NEGR1: variants seen among roughly 807,000 people sequenced by gnomAD.
NEGR1 encodes neuronal growth regulator 1.
In NEGR1, 10 loss-of-function variants were observed where a neutral mutation model predicts 40.9. The observed-to-expected ratio is 0.24, with a 90% CI of 0.15 to 0.42. The LOEUF (loss-of-function observed/expected upper bound fraction) is 0.42. Among genes scored for constraint, NEGR1 ranks in the 10% least tolerant of loss-of-function variants. NEGR1 has a pLI of 1.00. For synonymous variants in NEGR1, 185 were observed against 166.8 expected, an observed-to-expected ratio of 1.11 and a Z score of -0.84; for missense variants, 352 against 438.9, an observed-to-expected ratio of 0.80 and a Z score of 1.77.
At chr1:71,578,602 C>T (rs974329758) in intron 6 of NEGR1, among the ~76,000 whole-genome samples, 10 of 152,064 alleles carry the variant, frequency 6.6e-5, no homozygotes, top group African/African-American at 2.4e-5. Context: ...TATTACTTTA[C>T]TCAGAGATGA....
intron 4 of NEGR1, among the ~76,000 whole-genome samples, chr1:71,631,152 T>C (rs1292486194): frequency 1.3e-5 from 2 of 151,900 alleles, no homozygotes; most frequent in African/African-American, 4.8e-5. Flanking sequence ...TGTCCACTGT[T>C]TTGCTTTTTG....
intron 4 of NEGR1, among the ~76,000 whole-genome samples, chr1:71,614,036 G>A (rs1650360513): frequency 6.6e-6 from 1 of 151,848 alleles, no homozygotes; most frequent in Non-Finnish European, 1.5e-5. Context: ...TTTCTGTTAA[G>A]GGAAATACTT....
chr1:72,016,290 C>A (rs1338410830), intron 1 of NEGR1, among the ~76,000 whole-genome samples: 2 of 152,076 alleles, frequency 1.3e-5, no homozygotes, highest in Non-Finnish European at 2.9e-5. Context: ...CTAATGTAAT[C>A]ATTAAAAAAG....
chr1:72,232,735 G>A (rs1654411941), intron 1 of NEGR1, among the ~76,000 whole-genome samples: 1 of 151,994 alleles, frequency 6.6e-6, no homozygotes, highest in African/African-American at 2.4e-5. Context: ...TTGGGCAGAG[G>A]ATAATTATAG....
At chr1:71,447,988 T>C (rs1395554160) in intron 6 of NEGR1, among the ~76,000 whole-genome samples, 1 of 152,170 alleles carries the variant, frequency 6.6e-6, no homozygotes, top group Admixed American at 6.5e-5. Context: ...AACTCTTCAA[T>C]ATACTTGCAT....
intron 1 of NEGR1, among the ~76,000 whole-genome samples, chr1:72,189,958 CTTTCCTACT>C (rs1277492630): frequency 2.6e-5 from 4 of 151,506 alleles, no homozygotes; most frequent in Admixed American, 2.0e-4. Flanking sequence ...CCTTTCATTT[CTTTCCTACT>C]TTTCCTACTC....
intron 6 of NEGR1, among the ~76,000 whole-genome samples, chr1:71,498,451 A>G: frequency 6.6e-6 from 1 of 152,050 alleles, no homozygotes; most frequent in East Asian, 1.9e-4. Flanking sequence ...TGTACATATT[A>G]TGCTTCAAGA....
chr1:71,942,489 T>A (rs377407915), intron 1 of NEGR1, among the ~76,000 whole-genome samples: 653 of 10,734 alleles, frequency 0.061, no homozygotes, highest in South Asian at 0.079. Flanking sequence ...ATATATTTTT[T>A]TTTTTTTTTT....
intron 1 of NEGR1, among the ~76,000 whole-genome samples, chr1:71,980,687 T>C (rs1368342478): frequency 6.6e-6 from 1 of 152,088 alleles, no homozygotes; most frequent in Non-Finnish European, 1.5e-5. Flanking sequence ...ATCACAAGGC[T>C]CAACCTCAGT....
At chr1:71,467,125 CA>C (rs1246626224) in intron 6 of NEGR1, among the ~76,000 whole-genome samples, 27 of 151,822 alleles carry the variant, frequency 1.8e-4, no homozygotes, top group Non-Finnish European at 3.5e-4. Flanking sequence ...AAAAATAAAA[CA>C]AAATTGGCCT....
At chr1:71,527,452 G>T (rs1403704444) in intron 6 of NEGR1, among the ~76,000 whole-genome samples, 1 of 148,152 alleles carries the variant, frequency 6.7e-6, no homozygotes, top group Non-Finnish European at 1.5e-5. Flanking sequence ...TCCATCCATG[G>T]GTAATCAGGC....
intron 4 of NEGR1, among the ~76,000 whole-genome samples, chr1:71,611,987 C>T (rs530528264): frequency 1.3e-5 from 2 of 152,300 alleles, no homozygotes; most frequent in African/African-American, 4.8e-5. Context: ...ATCTGGGAGG[C>T]CGAGGCGGGT....
chr1:71,896,035 C>CTT lies in NEGR1; in HGVS notation c.409+39042_409+39043dup, dbSNP rs71074810. 6.1e-3 allele frequency among the ~76,000 whole-genome samples: 673 copies of CTT among 111,168 alleles called. 10 individuals carry two copies. Among genetic ancestry groups the CTT allele is most frequent in the African/African-American group, 0.018 (521 of 28,810 alleles). The allele number at this position is 111,168 out of a possible 152,430, so 72.9% of individuals were successfully genotyped here. ...TTTAAGTCTCGATGATAACGTTTAA[C>CTT]TTTTTTTTTTTTTTTTTTTTTTGAG... On this transcript the variant is annotated intron_variant, in intron 2 of 6. Transcript: ENST00000357731.
At chr1:71,907,586 G>A (rs1255197552) in intron 2 of NEGR1, among the ~76,000 whole-genome samples, 1 of 152,080 alleles carries the variant, frequency 6.6e-6, no homozygotes, top group Non-Finnish European at 1.5e-5. Context: ...CAGCAACTGT[G>A]GAAAGCACTT....
intron 1 of NEGR1, among the ~76,000 whole-genome samples, chr1:72,255,434 A>G (rs982470012): frequency 6.6e-6 from 1 of 152,214 alleles, no homozygotes; most frequent in African/African-American, 2.4e-5. Flanking sequence ...TCAGAATGCA[A>G]GAAAGCACAA....
At chr1:71,669,798 G>A (rs1052658645) in intron 4 of NEGR1, among the ~76,000 whole-genome samples, 2 of 151,932 alleles carry the variant, frequency 1.3e-5, no homozygotes, top group Non-Finnish European at 2.9e-5. Context: ...TTACAGGCAT[G>A]TGCCGCCATG....
intron 1 of NEGR1, among the ~76,000 whole-genome samples, chr1:72,007,205 A>G (rs565137788): frequency 6.6e-6 from 1 of 152,224 alleles, no homozygotes; most frequent in South Asian, 2.1e-4. Flanking sequence ...TGCACTAGTA[A>G]ATGTCCTTGG....
intron 6 of NEGR1, among the ~76,000 whole-genome samples, chr1:71,547,735 C>T (rs1225941042): frequency 6.6e-6 from 1 of 150,818 alleles, no homozygotes; most frequent in Non-Finnish European, 1.5e-5. Context: ...CAGTTCTATG[C>T]AGCCATGGCA....
At chr1:71,987,499 C>G (rs1646405717) in intron 1 of NEGR1, among the ~76,000 whole-genome samples, 1 of 152,122 alleles carries the variant, frequency 6.6e-6, no homozygotes, top group African/African-American at 2.4e-5. Context: ...GCTGAGCAAA[C>G]AAAGAAAGGG....
Sources: allele counts gnomAD v4.1 joint callset (sites outside exome capture counted in the v4.1 genomes callset), GRCh38; gene constraint gnomAD v4.1.1; transcripts MANE v1.5; gene names NCBI Gene and HGNC (gene_info 2026-07-23, HGNC 2026-07-21).